The following SH3GL3 variants were observed in gnomAD, a reference collection of about 807,000 sequenced individuals.
SH3GL3 encodes endophilin-A3.
SH3GL3 carries 33 observed loss-of-function variants against 47.7 expected under a neutral mutation model. The ratio of observed to expected loss-of-function variants is 0.69; its 90% confidence interval spans 0.52 to 0.92. The LOEUF (loss-of-function observed/expected upper bound fraction) is 0.92, where lower values mean the gene tolerates loss of function less well. SH3GL3 is among the 40% of genes least tolerant of loss of function. SH3GL3 has a pLI of 0.00. For synonymous variants in SH3GL3, 155 were observed against 148.8 expected (o/e 1.04, Z -0.30); for missense variants, 363 against 417.8 (o/e 0.87, Z 1.14).
rs778286751 is a variant in SH3GL3, at chr15:83,450,728, G to T, written c.45+3150G>T. On this transcript the variant is annotated intron_variant, in intron 1 of 8. Coordinates refer to ENST00000427482, the MANE Select transcript of SH3GL3 (RefSeq NM_003027.5). ...TTCTTTTTTTTTTTTTTTCTAATATGCATTATCCTTTATTAAAATGGGATA... is the reference window on the plus strand; with the variant it reads ...TTCTTTTTTTTTTTTTTTCTAATATTCATTATCCTTTATTAAAATGGGATA... Among the ~76,000 whole-genome samples, 339 of 94,396 alleles carry T rather than the reference G, an allele frequency of 3.6e-3. 1 individual carries two copies. The highest frequency in any genetic ancestry group is 0.012 in the African/African-American group (301 of 24,274). The allele number at this position is 94,396 out of a possible 152,430, so 61.9% of individuals were successfully genotyped here. A position where few individuals can be genotyped will look rare whatever the true frequency, so the allele number is the denominator to read the frequency against.
chr15:83,563,670 G>A (rs1342784334), intron 2 of SH3GL3, among the ~76,000 whole-genome samples: 3 of 151,704 alleles, frequency 2.0e-5, no homozygotes, highest in East Asian at 3.9e-4. Flanking sequence ...ATGGAGTCTC[G>A]CTCTGTTGCC....
chr15:83,468,212 A>G (rs1161494181), intron 1 of SH3GL3, among the ~76,000 whole-genome samples: 1 of 152,202 alleles, frequency 6.6e-6, no homozygotes, highest in Non-Finnish European at 1.5e-5. Context: ...TTTATCTTGT[A>G]TCCTGTGACC....
At chr15:83,518,457 T>A (rs1305059405) in intron 1 of SH3GL3, among the ~76,000 whole-genome samples, 1 of 152,234 alleles carries the variant, frequency 6.6e-6, no homozygotes, top group East Asian at 1.9e-4. Context: ...GGTATCTCAT[T>A]GTGGTTTTGA....
chr15:83,560,874 G>A (rs1270671768), intron 2 of SH3GL3, among the ~76,000 whole-genome samples: 1 of 152,072 alleles, frequency 6.6e-6, no homozygotes, highest in African/African-American at 2.4e-5. Flanking sequence ...TGATGCAAGA[G>A]AAGCACTAAA....
At chr15:83,462,931 C>T (rs961664809) in intron 1 of SH3GL3, among the ~76,000 whole-genome samples, 3 of 152,134 alleles carry the variant, frequency 2.0e-5, no homozygotes, top group Non-Finnish European at 2.9e-5. Flanking sequence ...CAGGTCCATC[C>T]TAGCACCCAG....
At chr15:83,632,731 A>G in the SH3GL3 span, among the ~76,000 whole-genome samples, 9 of 152,298 alleles carry the variant, frequency 5.9e-5, no homozygotes, top group Admixed American at 2.6e-4. Context: ...CCATGATTCA[A>G]TTACCTCCCA....
At chr15:83,597,552 A>G (rs1472048185) in intron 8 of SH3GL3, among the ~76,000 whole-genome samples, 2 of 151,664 alleles carry the variant, frequency 1.3e-5, no homozygotes, top group Non-Finnish European at 2.9e-5. Flanking sequence ...TCCTCTGAGA[A>G]TATTAATTAT....
Position 83,548,764 on chromosome 15 carries a change from T to G in SH3GL3, c.46-10489T>G, listed in dbSNP as rs2044525523. On this transcript the variant is annotated intron_variant, in intron 1 of 8. Transcript: ENST00000427482. ...TATAATGTGCCTAGGTATGTTTATCTTCATATTTATCCTGATTGGTATTCA... is the reference window on the plus strand; with the variant it reads ...TATAATGTGCCTAGGTATGTTTATCGTCATATTTATCCTGATTGGTATTCA... Among the ~76,000 whole-genome samples, 3 of 152,196 alleles carry G rather than the reference T, an allele frequency of 2.0e-5. No individual in the cohort carries two copies. In the South Asian group the frequency reaches 6.2e-4, roughly 31 times the overall value.
At chr15:83,465,656 C>T (rs1202530478) in intron 1 of SH3GL3, among the ~76,000 whole-genome samples, 1 of 152,050 alleles carries the variant, frequency 6.6e-6, no homozygotes, top group Non-Finnish European at 1.5e-5. Context: ...TAAGAGAGGG[C>T]TTCCCTGGCT....
chr15:83,524,273 C>T (rs2043327742), intron 1 of SH3GL3, among the ~76,000 whole-genome samples: 1 of 152,144 alleles, frequency 6.6e-6, no homozygotes, highest in African/African-American at 2.4e-5. Flanking sequence ...AACCCAAATT[C>T]TGTATTCTTA....
chr15:83,474,011 C>G (rs1437915785), intron 1 of SH3GL3, among the ~76,000 whole-genome samples: 2 of 152,048 alleles, frequency 1.3e-5, no homozygotes, highest in African/African-American at 2.4e-5. Flanking sequence ...CTTCTCTCCA[C>G]CTTTCAGAGT....
intron 1 of SH3GL3, among the ~76,000 whole-genome samples, chr15:83,513,730 G>A (rs1361118264): frequency 1.3e-5 from 2 of 152,098 alleles, no homozygotes; most frequent in Non-Finnish European, 2.9e-5. Context: ...CCAGGGCATG[G>A]TAGGTGCTCA....
At chr15:83,487,934 G>A (rs1379592729) in intron 1 of SH3GL3, 2 of 148,450 alleles carry the variant, frequency 1.3e-5, no homozygotes, top group African/African-American at 5.0e-5. Flanking sequence ...GGAGTGCAGT[G>A]GCGCGATCTC....
chr15:83,569,203 G>A (rs753164441), intron 4 of SH3GL3, among the ~76,000 whole-genome samples: 17 of 152,086 alleles, frequency 1.1e-4, no homozygotes, highest in Admixed American at 1.0e-3. Flanking sequence ...GGCTTGTTGT[G>A]TATCTTTTAT....
chr15:83,572,432 A>C (rs2059566417), intron 4 of SH3GL3, 133 bp from the exon 5 acceptor site: 5 of 675,330 alleles, frequency 7.4e-6, no homozygotes, highest in Non-Finnish European at 1.3e-5. Context: ...CTGATCCAGG[A>C]TTCAGAGGTC....
At chr15:83,604,252 G>A (rs2060461530) in intron 8 of SH3GL3, among the ~76,000 whole-genome samples, 1 of 152,092 alleles carries the variant, frequency 6.6e-6, no homozygotes. Context: ...TATATTTGAG[G>A]AAATGAGAAC....
At chr15:83,571,921 T>C (rs1307501105) in intron 4 of SH3GL3, among the ~76,000 whole-genome samples, 1 of 152,134 alleles carries the variant, frequency 6.6e-6, no homozygotes, top group Non-Finnish European at 1.5e-5. Context: ...GATAGCACAC[T>C]GTAATCCAGG....
chr15:83,453,391 C>A (rs1209221086), intron 1 of SH3GL3, among the ~76,000 whole-genome samples: 1 of 88,226 alleles, frequency 1.1e-5, no homozygotes, highest in South Asian at 5.6e-4. Flanking sequence ...GGTACCAGTT[C>A]CTCCTTGTAC....
rs149892496 is a variant in SH3GL3 at position 83,612,383 on chromosome 15, C to T, written c.839-5699C>T. Among the ~76,000 whole-genome samples, 44 of 152,332 alleles carry T rather than the reference C, an allele frequency of 2.9e-4. No individual in the cohort carries two copies. The East Asian group carries it at 8.5e-3, about 29-fold the overall frequency. On this transcript the variant is annotated intron_variant, in intron 8 of 8. Coordinates refer to ENST00000427482, the MANE Select transcript of SH3GL3 (RefSeq NM_003027.5). Reference sequence around the variant, plus strand: ...GCTGACATCTGTGGCTTAGGCCTCCCTCTCTGGGTTGCTGAATCTCTGTAT... The same window carrying T: ...GCTGACATCTGTGGCTTAGGCCTCCTTCTCTGGGTTGCTGAATCTCTGTAT...
Sources: allele counts gnomAD v4.1 joint callset (sites outside exome capture counted in the v4.1 genomes callset), GRCh38; gene constraint gnomAD v4.1.1; transcripts MANE v1.5; gene names NCBI Gene and HGNC (gene_info 2026-07-23, HGNC 2026-07-21).